Variants in GAB2 observed in about 807,000 individuals in gnomAD.
GAB2 encodes the protein GRB2-associated-binding protein 2.
Under a neutral mutation model 65.5 loss-of-function variants are expected in GAB2, and 26 were observed. The ratio of observed to expected loss-of-function variants is 0.40; its 90% CI spans 0.29 to 0.55. The LOEUF is 0.55. Ranked by LOEUF, GAB2 falls within the 20% of genes least tolerant of loss-of-function variation. The pLI, the probability that GAB2 is intolerant of heterozygous loss-of-function variation, is 0.53. For synonymous variants in GAB2, 321 were observed against 329.6 expected (o/e 0.97, Z 0.28); for missense variants, 884 against 875.8 (o/e 1.01, Z -0.12).
intron 1 of GAB2, among the ~76,000 whole-genome samples, chr11:78,287,649 A>ATTT (rs368184721): frequency 2.0e-4 from 28 of 136,756 alleles, no homozygotes; most frequent in African/African-American, 6.5e-4. Flanking sequence ...TGCTCTTATC[A>ATTT]TTTTTTTTTT....
At chr11:78,354,472 TAAA>T (rs1366059166) in intron 1 of GAB2, among the ~76,000 whole-genome samples, 1 of 152,012 alleles carries the variant, frequency 6.6e-6, no homozygotes, top group Non-Finnish European at 1.5e-5. Context: ...TGCTGAAAAC[TAAA>T]ATGTTCAAGA....
At chr11:78,277,210 G>C (rs762638233) in intron 2 of GAB2, among the ~76,000 whole-genome samples, 2 of 152,198 alleles carry the variant, frequency 1.3e-5, no homozygotes, top group Non-Finnish European at 2.9e-5. Flanking sequence ...AATCCCACAA[G>C]AAAATAATTC....
chr11:78,224,718 C>T (rs1864570664), intron 5 of GAB2, among the ~76,000 whole-genome samples: 1 of 152,140 alleles, frequency 6.6e-6, no homozygotes, highest in Admixed American at 6.6e-5. Context: ...AATTCTGCCA[C>T]TTAGCCTGAC....
At chr11:78,268,077 T>G (rs1417584582) in intron 2 of GAB2, among the ~76,000 whole-genome samples, 1 of 151,968 alleles carries the variant, frequency 6.6e-6, no homozygotes, top group Non-Finnish European at 1.5e-5. Context: ...AAGCAACCAG[T>G]GGGGAGAAGG....
Position 78,221,684 on chromosome 11 carries a change from A to T in GAB2, c.1754T>A (p.Val585Asp), listed in dbSNP as rs1486491094. The T allele has an allele frequency of 6.2e-7, 1 of 1,608,512 alleles. No individual in the cohort carries two copies. The highest frequency in any genetic ancestry group is 2.2e-5 in the East Asian group (1 of 44,860). ...TDSGDSEENYVPMQNPVSASP... is the reference protein window; with the variant it reads ...TDSGDSEENYDPMQNPVSASP... ...GAAGCCCGAAGGACTCACCATAGGG[A>T]CATAGTTCTCTTCGCTGTCTCCTGA... The change falls in exon 8 of 10, where the codon GTC (valine) becomes GAC (aspartate). Residue 585 changes from valine to aspartate, a missense_variant. Coordinates refer to ENST00000361507, the MANE Select transcript of GAB2 (RefSeq NM_080491.3).
chr11:78,351,486 T>A (rs1043961084), intron 1 of GAB2, among the ~76,000 whole-genome samples: 1 of 152,288 alleles, frequency 6.6e-6, no homozygotes, highest in South Asian at 2.1e-4. Context: ...TTCATGGTAC[T>A]TGTGGAGAGT....
intron 1 of GAB2, among the ~76,000 whole-genome samples, chr11:78,289,218 G>A (rs1281593978): frequency 6.6e-6 from 1 of 152,114 alleles, no homozygotes; most frequent in Non-Finnish European, 1.5e-5. Flanking sequence ...TGGCCAACAT[G>A]GCAAAACCCT....
At chr11:78,342,960 T>C (rs534436659) in intron 1 of GAB2, among the ~76,000 whole-genome samples, 53 of 152,252 alleles carry the variant, frequency 3.5e-4, no homozygotes, top group African/African-American at 1.2e-3. Flanking sequence ...CAGAAAAGTT[T>C]AGTGATTCAG....
chr11:78,291,186 CTCACGTCTGTAA>C (rs1356704223), intron 1 of GAB2, among the ~76,000 whole-genome samples: 5 of 150,960 alleles, frequency 3.3e-5, no homozygotes, highest in Admixed American at 6.6e-5. Flanking sequence ...GGCGTGGTGG[CTCACGTCTGTAA>C]TCCCAGCATT....
At chr11:78,261,143 C>T (rs915502494) in intron 2 of GAB2, among the ~76,000 whole-genome samples, 4 of 152,002 alleles carry the variant, frequency 2.6e-5, no homozygotes, top group Non-Finnish European at 5.9e-5. Context: ...ATTAGCTGGG[C>T]ATTGTGGCAG....
At chr11:78,275,267 A>C (rs1866134102) in intron 2 of GAB2, among the ~76,000 whole-genome samples, 1 of 152,124 alleles carries the variant, frequency 6.6e-6, no homozygotes, top group Non-Finnish European at 1.5e-5. Flanking sequence ...GAAGATTTTT[A>C]GCCCCGGGGA....
intron 1 of GAB2, among the ~76,000 whole-genome samples, chr11:78,304,320 A>G (rs1052573102): frequency 1.3e-5 from 2 of 152,162 alleles, no homozygotes; most frequent in African/African-American, 4.8e-5. Flanking sequence ...GAACATTTGC[A>G]TCACCCCAAA....
chr11:78,332,914 G>A (rs571764378), intron 1 of GAB2, among the ~76,000 whole-genome samples: 2 of 152,190 alleles, frequency 1.3e-5, no homozygotes, highest in South Asian at 4.1e-4. Context: ...CTTCCCCTTT[G>A]CCTTGTCTTA....
chr11:78,292,123 C>T (rs530492161), intron 1 of GAB2, among the ~76,000 whole-genome samples: 60 of 152,016 alleles, frequency 3.9e-4, no homozygotes, highest in African/African-American at 1.4e-3. Context: ...CTTCATATAC[C>T]CGCCTAACAG....
intron 2 of GAB2, among the ~76,000 whole-genome samples, chr11:78,260,410 G>A (rs1865696698): frequency 1.3e-5 from 2 of 152,184 alleles, no homozygotes; most frequent in Admixed American, 6.5e-5. Context: ...TTTGGCTCGA[G>A]GCATCTCATT....
At chr11:78,417,543 G>A (rs1366466691) in intron 1 of GAB2, 103 bp downstream of exon 1, 4 of 302,868 alleles carry the variant, frequency 1.3e-5, no homozygotes, top group East Asian at 3.1e-4. Flanking sequence ...CCGCGGCTCC[G>A]GGCCCGAGCT....
At chr11:78,230,009 G>C (rs1264751292) in intron 3 of GAB2, among the ~76,000 whole-genome samples, 2 of 152,078 alleles carry the variant, frequency 1.3e-5, no homozygotes, top group African/African-American at 4.8e-5. Flanking sequence ...ACCTATATTA[G>C]GCACCATTAC....
In GAB2 at chr11:78,250,287, A is replaced by G. The variant is rs1865414583; in HGVS notation, c.490T>C (p.Ser164Pro). The change falls in exon 3 of 10, where the codon TCC becomes CCC. Residue 164 changes from serine (S) to proline (P), a missense_variant. By Grantham distance (74) the Ser-to-Pro change is moderately conservative. Coordinates refer to ENST00000361507, the MANE Select transcript of GAB2 (RefSeq NM_080491.3). ...AACGTGAACAGAGTTGGCTGGCTGG[A>G]GTGTGATGGGGCTGAGGACTTGCGC... ...RERKSSAPSH[S>P]SQPTLFTFEP... The G allele has an allele frequency of 6.2e-7, 1 of 1,613,040 alleles. No individual in the cohort carries two copies. Among genetic ancestry groups the G allele is most frequent in the Admixed American group, 1.7e-5 (1 of 59,844 alleles).
In GAB2 at chr11:78,267,857, C is replaced by CAAAAAAAAAAAAAAAAAAAAAAAAA. The variant is rs751533828; in HGVS notation, c.376+12743_376+12744insTTTTTTTTTTTTTTTTTTTTTTTTT. Among the ~76,000 whole-genome samples, 37 of 32,786 alleles carry CAAAAAAAAAAAAAAAAAAAAAAAAA rather than the reference C, an allele frequency of 1.1e-3. 1 individual carries two copies. The highest frequency in any genetic ancestry group is 1.4e-3 in the Non-Finnish European group (22 of 15,358). The allele number at this position is 32,786 out of a possible 152,430, so 21.5% of individuals were successfully genotyped here. A position where few individuals can be genotyped will look rare whatever the true frequency, so the allele number is the denominator to read the frequency against. On this transcript the variant is annotated intron_variant, in intron 2 of 9. Coordinates refer to ENST00000361507, the MANE Select transcript of GAB2 (RefSeq NM_080491.3). ...TGGGTGATAGAGCGAGACTCCGTCT[C>CAAAAAAAAAAAAAAAAAAAAAAAAA]AAAAAAAAAAAAAAAAAAAAAAAAG...
Sources: gnomAD v4.1 joint callset for allele counts (sites outside exome capture counted in the v4.1 genomes callset) on GRCh38, gnomAD v4.1.1 for gene constraint, MANE v1.5 for transcripts, NCBI Gene and HGNC (gene_info 2026-07-23, HGNC 2026-07-21) for gene names.